The following TCF7L1 variants were observed in gnomAD, a reference collection of about 807,000 sequenced individuals.
The protein encoded by TCF7L1 is transcription factor 7 like 1.
Under a neutral mutation model 63.7 loss-of-function variants are expected in TCF7L1, and 18 were observed. That is an observed-to-expected ratio of 0.28 (90% CI 0.20 to 0.42). The LOEUF (loss-of-function observed/expected upper bound fraction) is 0.42. Among genes scored for constraint, TCF7L1 ranks in the 10% least tolerant of loss-of-function variants. TCF7L1 has a pLI of 1.00. For missense variants in TCF7L1, 654 were observed against 779.3 expected, an observed-to-expected ratio of 0.84 and a Z score of 1.91; for synonymous variants, 355 against 340.9, an observed-to-expected ratio of 1.04 and a Z score of -0.46.
chr2:85,230,971 G>T (rs1027262017), intron 3 of TCF7L1, among the ~76,000 whole-genome samples: 1 of 152,162 alleles, frequency 6.6e-6, no homozygotes, highest in Non-Finnish European at 1.5e-5. Flanking sequence ...ACAGATCCCT[G>T]TGTCTTGAAA....
In TCF7L1 at chr2:85,227,356, T is replaced by C. The variant is rs144592322; in HGVS notation, c.442-56139T>C. On this transcript the variant is annotated intron_variant, in intron 3 of 11. Transcript: ENST00000282111. ...CATGAACTACTAGAGTGGTTGCCACTTGAACAACGCCTGGGTTTTTTGGAC... is the reference window on the plus strand; with the variant it reads ...CATGAACTACTAGAGTGGTTGCCACCTGAACAACGCCTGGGTTTTTTGGAC... 3.1e-3 allele frequency among the ~76,000 whole-genome samples: 476 copies of C among 152,124 alleles called. 4 individuals carry two copies. The highest frequency in any genetic ancestry group is 0.011 in the African/African-American group (460 of 41,464).
intron 4 of TCF7L1, among the ~76,000 whole-genome samples, chr2:85,296,286 A>AT (rs1438354143): frequency 6.6e-6 from 1 of 151,922 alleles, no homozygotes; most frequent in Non-Finnish European, 1.5e-5. Context: ...TGACCTTCAC[A>AT]TTTTTTGAGA....
At chr2:85,174,320 G>A (rs901407789) in intron 3 of TCF7L1, among the ~76,000 whole-genome samples, 4 of 152,052 alleles carry the variant, frequency 2.6e-5, no homozygotes, top group South Asian at 4.1e-4. Flanking sequence ...CACTTCCTCC[G>A]TTTTTGTTGC....
chr2:85,296,247 A>G (rs1188351196), intron 4 of TCF7L1, among the ~76,000 whole-genome samples: 1 of 152,194 alleles, frequency 6.6e-6, no homozygotes, highest in Non-Finnish European at 1.5e-5. Flanking sequence ...CGAATCCAGC[A>G]GAGGTCCTTA....
chr2:85,200,863 A>T (rs763386463), intron 3 of TCF7L1, among the ~76,000 whole-genome samples: 9 of 152,146 alleles, frequency 5.9e-5, no homozygotes, highest in Non-Finnish European at 1.3e-4. Context: ...GTTACCTGCG[A>T]CACTTGAGTT....
intron 3 of TCF7L1, among the ~76,000 whole-genome samples, chr2:85,261,126 GTGT>G (rs1558649401): frequency 0.065 from 6,997 of 106,826 alleles, 225 homozygotes; most frequent in Middle Eastern, 0.082. Flanking sequence ...TATTGCTGGT[GTGT>G]GTGTGTGTGT....
At chr2:85,243,773 C>T (rs1295558292) in intron 3 of TCF7L1, among the ~76,000 whole-genome samples, 1 of 152,146 alleles carries the variant, frequency 6.6e-6, no homozygotes, top group East Asian at 1.9e-4. Context: ...ACGTGCCAGG[C>T]ACCTTAGAAA....
intron 3 of TCF7L1, among the ~76,000 whole-genome samples, chr2:85,205,795 A>G (rs1238885320): frequency 6.6e-6 from 1 of 152,214 alleles, no homozygotes; most frequent in Non-Finnish European, 1.5e-5. Context: ...TGTTGGGATT[A>G]CAGGCGTGAG....
At chr2:85,248,169 G>A (rs1680508819) in intron 3 of TCF7L1, among the ~76,000 whole-genome samples, 1 of 152,074 alleles carries the variant, frequency 6.6e-6, no homozygotes, top group African/African-American at 2.4e-5. Flanking sequence ...GAAATCTAGG[G>A]AGCTAACTGC....
chr2:85,133,763 G>A lies in TCF7L1; in HGVS notation c.79G>A (p.Gly27Ser). The A allele has an allele frequency of 8.0e-7, 1 of 1,244,228 alleles. No homozygotes were observed. The highest frequency in any genetic ancestry group is 1.0e-6 in the Non-Finnish European group (1 of 993,044). 77.1% of individuals were successfully genotyped at this position (1,244,228 alleles called of 1,614,324 possible). The stretch of plus-strand genomic sequence containing the variant: ...CGGCGGCTCCAGCGCCGGGGCGGCC[G>A]GCGGAGGGGACGACCTCGGGGCGAA... ...GGGGSSAGAAGGGDDLGANDE... is the reference protein window; with the variant it reads ...GGGGSSAGAASGGDDLGANDE... Residue 27 changes from glycine to serine, a missense_variant, in exon 1 of 12, where the codon GGC becomes AGC. Transcript: ENST00000282111. This position sits in a 1 kb window ranked among gnomAD's most constrained non-coding sequence, Gnocchi z 4.4.
intron 4 of TCF7L1, among the ~76,000 whole-genome samples, chr2:85,296,301 C>T (rs921270218): frequency 6.6e-6 from 1 of 152,142 alleles, no homozygotes; most frequent in African/African-American, 2.4e-5. Flanking sequence ...TTGAGAAGTA[C>T]AGGCCAGCTG....
intron 3 of TCF7L1, among the ~76,000 whole-genome samples, chr2:85,178,696 C>T (rs1018672310): frequency 2.6e-5 from 4 of 152,190 alleles, no homozygotes; most frequent in South Asian, 2.1e-4. Flanking sequence ...GACCTTTCTA[C>T]GGCCTAGAAT....
At chr2:85,269,127 G>A (rs1681084572) in intron 3 of TCF7L1, among the ~76,000 whole-genome samples, 1 of 152,182 alleles carries the variant, frequency 6.6e-6, no homozygotes, top group Non-Finnish European at 1.5e-5. Context: ...CTTTGAGTCT[G>A]TGTGCAGAAC....
At chr2:85,202,472 T>G (rs1679293295) in intron 3 of TCF7L1, among the ~76,000 whole-genome samples, 1 of 152,194 alleles carries the variant, frequency 6.6e-6, no homozygotes, top group Non-Finnish European at 1.5e-5. Context: ...TTAGCTATAT[T>G]TTCTGTTATC....
At chr2:85,269,663 A>G (rs1681096976) in intron 3 of TCF7L1, among the ~76,000 whole-genome samples, 1 of 152,212 alleles carries the variant, frequency 6.6e-6, no homozygotes, top group Admixed American at 6.5e-5. Flanking sequence ...TTTAAGGCCG[A>G]TTAATGTAAA....
At chr2:85,302,079 G>C (rs1008723337) in intron 4 of TCF7L1, among the ~76,000 whole-genome samples, 5 of 152,036 alleles carry the variant, frequency 3.3e-5, no homozygotes, top group African/African-American at 1.2e-4. Context: ...AGTGAGCCGA[G>C]ATCATGCTAC....
intron 3 of TCF7L1, among the ~76,000 whole-genome samples, chr2:85,274,804 A>G (rs1373698529): frequency 6.6e-6 from 1 of 152,220 alleles, no homozygotes; most frequent in Non-Finnish European, 1.5e-5. Context: ...GGTAAAGCGC[A>G]GGTCACAGGC....
intron 3 of TCF7L1, chr2:85,166,787 T>C (rs1471642547): frequency 6.6e-6 from 1 of 152,254 alleles, no homozygotes; most frequent in African/African-American, 2.4e-5. Context: ...CACCTCTCAG[T>C]TGACCAGGAC....
At chr2:85,177,736 G>A (rs1678712828) in intron 3 of TCF7L1, among the ~76,000 whole-genome samples, 1 of 152,082 alleles carries the variant, frequency 6.6e-6, no homozygotes, top group Non-Finnish European at 1.5e-5. Context: ...TGAAAAAAGG[G>A]AAAAGACGAT....
Sources: gnomAD v4.1 joint callset for allele counts (sites outside exome capture counted in the v4.1 genomes callset) on GRCh38, gnomAD v4.1.1 for gene constraint, Gnocchi (gnomAD v3.1) non-coding constraint, MANE v1.5 for transcripts, NCBI Gene and HGNC (gene_info 2026-07-23, HGNC 2026-07-21) for gene names.